Variants in EEIG2 observed in about 807,000 individuals in gnomAD.
EEIG2 encodes EEIG family member 2, also known as family with sequence similarity 102 member B.
At chr1:108,596,598 A>C in the EEIG2 span, among the ~76,000 whole-genome samples, 1 of 152,122 alleles carries the variant, frequency 6.6e-6, no homozygotes, top group Admixed American at 6.5e-5. Flanking sequence ...TTCCATGAGC[A>C]CTTTAATTCC....
At chr1:108,608,906 A>G in the EEIG2 span, among the ~76,000 whole-genome samples, 2 of 152,222 alleles carry the variant, frequency 1.3e-5, no homozygotes, top group African/African-American at 2.4e-5. Context: ...CTGTCATCTC[A>G]TGGTGTCCTC....
the EEIG2 span, among the ~76,000 whole-genome samples, chr1:108,564,222 G>A: frequency 1.9e-4 from 29 of 152,122 alleles, no homozygotes; most frequent in East Asian, 5.4e-3. Context: ...CGTATCACCT[G>A]GCTGACAGGC....
At chr1:108,570,783 A>C in the EEIG2 span, among the ~76,000 whole-genome samples, 1 of 152,192 alleles carries the variant, frequency 6.6e-6, no homozygotes, top group Non-Finnish European at 1.5e-5. Context: ...AGAATCAGTA[A>C]TGGGGTCCAG....
chr1:108,595,421 G>A, the EEIG2 span, among the ~76,000 whole-genome samples: 1 of 140,136 alleles, frequency 7.1e-6, no homozygotes, highest in Admixed American at 7.3e-5. Flanking sequence ...TACAGAGGGA[G>A]AGAGGAGGAA....
chr1:108,637,299 C>T, the EEIG2 span: 2 of 152,024 alleles, frequency 1.3e-5, no homozygotes, highest in Admixed American at 6.5e-5. Flanking sequence ...GAACTAATGT[C>T]TATGTCTTCT....
chr1:108,624,155 G>T, the EEIG2 span, among the ~76,000 whole-genome samples: 1 of 152,132 alleles, frequency 6.6e-6, no homozygotes, highest in Non-Finnish European at 1.5e-5. Context: ...CCCTGGGCAG[G>T]TGAACTGTTT....
the EEIG2 span, among the ~76,000 whole-genome samples, chr1:108,602,754 C>G: frequency 6.6e-6 from 1 of 152,018 alleles, no homozygotes; most frequent in Non-Finnish European, 1.5e-5. Flanking sequence ...GTGGCACTCA[C>G]TTGTAGTCCC....
chr1:108,579,738 GGTGTGT>G, the EEIG2 span, among the ~76,000 whole-genome samples: 27 of 107,976 alleles, frequency 2.5e-4, no homozygotes, highest in African/African-American at 1.0e-3. Flanking sequence ...TTGTTTTTTT[GGTGTGT>G]GTGTGTGTGT....
chr1:108,560,427 C>T, the EEIG2 span: 10 of 1,602,160 alleles, frequency 6.2e-6, no homozygotes, highest in South Asian at 8.8e-5. Flanking sequence ...CTGGCTCTCA[C>T]GATGATGAAG....
At chr1:108,615,412 G>A in the EEIG2 span, among the ~76,000 whole-genome samples, 1 of 152,074 alleles carries the variant, frequency 6.6e-6, no homozygotes, top group Non-Finnish European at 1.5e-5. Context: ...ACATAAAGAG[G>A]TCCTATGACT....
At chr1:108,628,138 G>C in the EEIG2 span, 2 of 1,601,090 alleles carry the variant, frequency 1.2e-6, no homozygotes, top group Non-Finnish European at 1.7e-6. Flanking sequence ...TTGGCAATAA[G>C]AATGACATCA....
chr1:108,605,704 A>T, the EEIG2 span, among the ~76,000 whole-genome samples: 1 of 152,290 alleles, frequency 6.6e-6, no homozygotes, highest in Admixed American at 6.5e-5. Flanking sequence ...AAAAGACATC[A>T]TCTATTATTT....
the EEIG2 span, among the ~76,000 whole-genome samples, chr1:108,630,740 C>T: frequency 2.6e-5 from 4 of 152,174 alleles, no homozygotes; most frequent in Non-Finnish European, 5.9e-5. Flanking sequence ...CACTCACTTG[C>T]TCCTTAACAA....
the EEIG2 span, among the ~76,000 whole-genome samples, chr1:108,613,355 T>C: frequency 6.6e-6 from 1 of 152,164 alleles, no homozygotes; most frequent in Non-Finnish European, 1.5e-5. Flanking sequence ...AACTAAAGTA[T>C]CTCACAAAAG....
chr1:108,613,044 A>T, the EEIG2 span, among the ~76,000 whole-genome samples: 3 of 152,250 alleles, frequency 2.0e-5, no homozygotes, highest in Non-Finnish European at 4.4e-5. Flanking sequence ...GAAAATGTGT[A>T]AAATGGTTAT....
the EEIG2 span, among the ~76,000 whole-genome samples, chr1:108,619,903 T>A: frequency 6.6e-6 from 1 of 151,960 alleles, no homozygotes; most frequent in African/African-American, 2.4e-5. Flanking sequence ...ATAAAGCAAA[T>A]ATATTATGAA....
At chr1:108,584,289 A>G in the EEIG2 span, among the ~76,000 whole-genome samples, 1 of 152,194 alleles carries the variant, frequency 6.6e-6, no homozygotes, top group South Asian at 2.1e-4. Context: ...CAAATATTAA[A>G]AACAAACTCA....
At chr1:108,597,204 C>A in the EEIG2 span, among the ~76,000 whole-genome samples, 9 of 152,130 alleles carry the variant, frequency 5.9e-5, no homozygotes, top group Non-Finnish European at 4.4e-5. Context: ...TCATTGGGAA[C>A]CCTCAACATC....
At chr1:108,564,697 C>T in the EEIG2 span, among the ~76,000 whole-genome samples, 11 of 152,132 alleles carry the variant, frequency 7.2e-5, no homozygotes, top group Non-Finnish European at 1.3e-4. Context: ...AATCCCAGCA[C>T]TTTGGGAGGC....
Sources: gnomAD v4.1 joint callset for allele counts (sites outside exome capture counted in the v4.1 genomes callset) on GRCh38, gnomAD v4.1.1 for gene constraint, MANE v1.5 for transcripts, NCBI Gene and HGNC (gene_info 2026-07-23, HGNC 2026-07-21) for gene names.